Variants in CDH13 observed in about 807,000 individuals in gnomAD.
The protein encoded by CDH13 is cadherin 13, also known as cadherin-13.
Under a neutral mutation model 63.8 loss-of-function variants are expected in CDH13, and 24 were observed. The observed-to-expected ratio is 0.38, with a 90% CI of 0.27 to 0.53. The LOEUF is 0.53. Among genes scored for constraint, CDH13 ranks in the 20% least tolerant of loss-of-function variants. The pLI is 0.85. For missense variants in CDH13, 1,049 were observed against 903.1 expected (o/e 1.16, Z -2.07); for synonymous variants, 503 against 355.3 (o/e 1.42, Z -4.67).
intron 6 of CDH13, among the ~76,000 whole-genome samples, chr16:83,365,874 C>T (rs186946819): frequency 7.4e-4 from 113 of 152,224 alleles, no homozygotes; most frequent in African/African-American, 2.3e-3. Flanking sequence ...GCCAGCACCC[C>T]AAATGATGCT....
intron 6 of CDH13, among the ~76,000 whole-genome samples, chr16:83,391,210 C>CTT (rs372320805): frequency 4.4e-4 from 63 of 144,554 alleles, no homozygotes; most frequent in Admixed American, 1.1e-3. Context: ...TGCCTACACA[C>CTT]TTTTTTTTTT....
intron 6 of CDH13, among the ~76,000 whole-genome samples, chr16:83,389,275 G>A (rs948261648): frequency 5.3e-5 from 8 of 152,240 alleles, no homozygotes; most frequent in Non-Finnish European, 7.4e-5. Context: ...TTATTTTAGC[G>A]TATCTTAACG....
intron 2 of CDH13, among the ~76,000 whole-genome samples, chr16:82,929,432 G>A (rs2042406852): frequency 6.6e-6 from 1 of 151,790 alleles, no homozygotes; most frequent in African/African-American, 2.4e-5. Flanking sequence ...CACAAGGTCA[G>A]GAGATCGAGA....
intron 7 of CDH13, among the ~76,000 whole-genome samples, chr16:83,523,261 C>G (rs775864402): frequency 6.6e-6 from 1 of 152,160 alleles, no homozygotes; most frequent in Non-Finnish European, 1.5e-5. Context: ...CCTGTCATGT[C>G]CATAATAGGT....
intron 3 of CDH13, among the ~76,000 whole-genome samples, chr16:83,051,367 A>G (rs972181024): frequency 2.6e-5 from 4 of 152,232 alleles, no homozygotes; most frequent in African/African-American, 9.6e-5. Context: ...AGGAATGAGG[A>G]TCAGATTAAG....
intron 6 of CDH13, among the ~76,000 whole-genome samples, chr16:83,361,097 C>T (rs9926780): frequency 0.051 from 7,792 of 152,260 alleles, 232 homozygotes; most frequent in African/African-American, 0.085. Flanking sequence ...TCATCAGCAT[C>T]TGTTGCTTTT....
chr16:83,263,498 G>C (rs745354529), intron 5 of CDH13, among the ~76,000 whole-genome samples: 25 of 152,262 alleles, frequency 1.6e-4, no homozygotes, highest in Admixed American at 8.5e-4. Context: ...TTAAAGGACA[G>C]ATTCCTTGAC....
intron 6 of CDH13, among the ~76,000 whole-genome samples, chr16:83,436,101 C>T (rs1416337823): frequency 6.6e-6 from 1 of 152,084 alleles, no homozygotes; most frequent in Non-Finnish European, 1.5e-5. Flanking sequence ...GGGCAGCACC[C>T]GTCACAAAGA....
chr16:82,925,733 T>C (rs2042284038), intron 2 of CDH13, among the ~76,000 whole-genome samples: 1 of 152,184 alleles, frequency 6.6e-6, no homozygotes, highest in Non-Finnish European at 1.5e-5. Flanking sequence ...TTAAAACCTC[T>C]ACCTAAGAGC....
At chr16:82,944,436 A>G (rs1455124435) in intron 2 of CDH13, among the ~76,000 whole-genome samples, 1 of 152,114 alleles carries the variant, frequency 6.6e-6, no homozygotes, top group East Asian at 1.9e-4. Context: ...TTATTAAGGG[A>G]GAATGCATAA....
chr16:82,852,831 C>A (rs1220873035), intron 1 of CDH13, among the ~76,000 whole-genome samples: 1 of 152,168 alleles, frequency 6.6e-6, no homozygotes, highest in African/African-American at 2.4e-5. Flanking sequence ...TCTGGCTAAA[C>A]TAACCACATC....
chr16:83,076,917 C>T (rs1330476816), intron 3 of CDH13, among the ~76,000 whole-genome samples: 3 of 151,656 alleles, frequency 2.0e-5, no homozygotes, highest in East Asian at 1.9e-4. Context: ...ATGGCAAAAA[C>T]CGCAATTACT....
chr16:83,176,898 C>T (rs1402879911), intron 4 of CDH13, among the ~76,000 whole-genome samples: 1 of 152,000 alleles, frequency 6.6e-6, no homozygotes, highest in Admixed American at 6.6e-5. Flanking sequence ...CAGCCTGAGC[C>T]AGAGTTAGCC....
At chr16:82,702,094 ACC>A (rs2150992612) in intron 1 of CDH13, among the ~76,000 whole-genome samples, 1 of 152,286 alleles carries the variant, frequency 6.6e-6, no homozygotes, top group Non-Finnish European at 1.5e-5. Context: ...AATGCGAAGA[ACC>A]AGAGTCCCCT....
intron 3 of CDH13, among the ~76,000 whole-genome samples, chr16:83,099,062 A>G (rs1229668274): frequency 6.6e-6 from 1 of 152,116 alleles, no homozygotes; most frequent in Non-Finnish European, 1.5e-5. Context: ...ACACATATAC[A>G]TATATATGCA....
At position 83,284,247 on chromosome 16, in the gene CDH13, G is replaced by C. The variant is rs143085419; in HGVS notation, c.637-60615G>C. On this transcript the variant is annotated intron_variant, in intron 5 of 13. Coordinates refer to ENST00000567109, the MANE Select transcript of CDH13 (RefSeq NM_001257.5). Reference sequence around the variant, plus strand: ...TTGGATTTTCAATCCTGAGCAAAGAGACCACTCAGGAGAAGAATCTGAGTA... The same window carrying C: ...TTGGATTTTCAATCCTGAGCAAAGACACCACTCAGGAGAAGAATCTGAGTA... Among the ~76,000 whole-genome samples the C allele has an allele frequency of 5.9e-5, 9 of 152,296 alleles. No individual in the cohort carries two copies. The East Asian group carries it at 1.7e-3, about 29-fold the overall frequency.
chr16:83,727,893 C>G (rs1239484710), intron 10 of CDH13, among the ~76,000 whole-genome samples: 1 of 152,130 alleles, frequency 6.6e-6, no homozygotes, highest in African/African-American at 2.4e-5. Context: ...TGCTAATGGG[C>G]TCGCTTCTCA....
At position 83,466,168 on chromosome 16, in the gene CDH13, C is replaced by T. The variant is rs16960560; in HGVS notation, c.782-20309C>T. Among the ~76,000 whole-genome samples the T allele has an allele frequency of 6.0e-3, 908 of 152,288 alleles. 13 individuals carry two copies. Among genetic ancestry groups the T allele is most frequent in the African/African-American group, 0.021 (881 of 41,546 alleles). ...CCTAGCTGGGAGCCACGTGACGTTA[C>T]GCTGTTTCCGTTTAAGCATGAAGTC... On this transcript the variant is annotated intron_variant, in intron 6 of 13. Transcript: ENST00000567109.
At chr16:82,708,034 C>T (rs2031629895) in intron 1 of CDH13, among the ~76,000 whole-genome samples, 1 of 152,150 alleles carries the variant, frequency 6.6e-6, no homozygotes, top group Non-Finnish European at 1.5e-5. Context: ...TTCCTTCCAG[C>T]TGTTGCTCAG....
Sources: allele counts gnomAD v4.1 joint callset (sites outside exome capture counted in the v4.1 genomes callset), GRCh38; gene constraint gnomAD v4.1.1; transcripts MANE v1.5; gene names NCBI Gene and HGNC (gene_info 2026-07-23, HGNC 2026-07-21).